Variants in SENP5 observed in about 807,000 individuals in gnomAD.
SENP5 encodes sentrin-specific protease 5.
A neutral mutation model predicts 74.2 loss-of-function variants in SENP5; 21 were observed. The observed-to-expected ratio is 0.28, with a 90% CI of 0.20 to 0.41. The LOEUF is 0.41. Among genes scored for constraint, SENP5 ranks in the 10% least tolerant of loss-of-function variants. The pLI is 1.00. For missense variants in SENP5, 717 were observed against 889.1 expected (o/e 0.81, Z 2.46); for synonymous variants, 311 against 312.7 (o/e 0.99, Z 0.06).
At chr3:196,892,627 A>G (rs191134464) in intron 2 of SENP5, among the ~76,000 whole-genome samples, 69 of 152,294 alleles carry the variant, frequency 4.5e-4, no homozygotes, top group African/African-American at 1.5e-3. Context: ...ATTATTAACT[A>G]TAGTCACCAG....
intron 1 of SENP5, among the ~76,000 whole-genome samples, chr3:196,880,638 CTTTTTTTT>C (rs56188124): frequency 2.0e-5 from 2 of 101,964 alleles, no homozygotes; most frequent in Admixed American, 1.2e-4. Flanking sequence ...GCCAGTTATT[CTTTTTTTT>C]TTTTTTTTTT....
rs61761865 is a variant in SENP5, at chr3:196,900,388, G to A, written c.1782G>A (p.Leu594=). 6.2e-7 allele frequency: 1 copy of A among 1,611,278 alleles called. No homozygotes were observed. Among genetic ancestry groups the A allele is most frequent in the Non-Finnish European group, 8.5e-7 (1 of 1,178,792 alleles). ...NDQVINMYGE[L]IMDAVPDKVH... ...AGGTCATTAATATGTATGGTGAGCT[G>A]ATAATGGATGCAGTCCCAGACAAAG... Residue 594 remains leucine (L), a synonymous_variant, in exon 5 of 10, where the codon CTG becomes CTA. Transcript: ENST00000323460.
chr3:196,906,960 T>C (rs1458400132), intron 6 of SENP5, among the ~76,000 whole-genome samples: 3 of 152,140 alleles, frequency 2.0e-5, no homozygotes, highest in Non-Finnish European at 4.4e-5. Flanking sequence ...ATGAGTGTGA[T>C]GTAGGAAGTA....
intron 2 of SENP5, among the ~76,000 whole-genome samples, chr3:196,888,409 C>T (rs1308925713): frequency 1.3e-5 from 2 of 151,654 alleles, no homozygotes; most frequent in African/African-American, 2.4e-5. Context: ...ATGGTGAAAC[C>T]CCATCTCTAC....
chr3:196,916,956 A>G (rs1244685226), intron 6 of SENP5, among the ~76,000 whole-genome samples: 1 of 152,004 alleles, frequency 6.6e-6, no homozygotes, highest in Non-Finnish European at 1.5e-5. Flanking sequence ...CAACATGGCA[A>G]ACCCCCATCT....
At chr3:196,892,942 C>CA (rs2108826762) in intron 2 of SENP5, among the ~76,000 whole-genome samples, 1 of 152,292 alleles carries the variant, frequency 6.6e-6, no homozygotes, top group Non-Finnish European at 1.5e-5. Flanking sequence ...TTCATCCACT[C>CA]ATGGGCATTG....
At chr3:196,925,503 G>A (rs1715780235) in intron 7 of SENP5, among the ~76,000 whole-genome samples, 1 of 152,182 alleles carries the variant, frequency 6.6e-6, no homozygotes, top group African/African-American at 2.4e-5. Flanking sequence ...AGCCATATCA[G>A]TGCCTTTAAG....
At chr3:196,905,952 T>G (rs756134841) in intron 6 of SENP5, among the ~76,000 whole-genome samples, 1 of 152,124 alleles carries the variant, frequency 6.6e-6, no homozygotes, top group Non-Finnish European at 1.5e-5. Flanking sequence ...TGGGCCTGGG[T>G]CATGTCCCCG....
At position 196,930,000 on chromosome 3, in the gene SENP5, A is replaced by C. The variant is rs532987213; in HGVS notation, c.2157+317A>C. On this transcript the variant is annotated intron_variant, in intron 9 of 9. Coordinates refer to ENST00000323460, the MANE Select transcript of SENP5 (RefSeq NM_152699.5). ...TTGGCATTTGCATAAAAAAAAAAAA[A>C]AAAAAACATTGGCAAGCAATCTGCA... 1.1e-3 allele frequency among the ~76,000 whole-genome samples: 163 copies of C among 152,192 alleles called. No individual in the cohort carries two copies. The South Asian group carries it at 0.011, about 10-fold the overall frequency.
intron 1 of SENP5, among the ~76,000 whole-genome samples, chr3:196,871,731 C>T (rs753205335): frequency 6.6e-6 from 1 of 151,470 alleles, no homozygotes; most frequent in South Asian, 2.1e-4. Flanking sequence ...GGCACACACT[C>T]GTACTCCTAG....
intron 1 of SENP5, among the ~76,000 whole-genome samples, chr3:196,873,025 A>G (rs1454327333): frequency 6.8e-6 from 1 of 146,074 alleles, no homozygotes; most frequent in Admixed American, 6.8e-5. Context: ...GTTTTGAGGT[A>G]TTGTTCTTTA....
At chr3:196,894,850 T>C (rs1377401485) in intron 2 of SENP5, among the ~76,000 whole-genome samples, 1 of 152,248 alleles carries the variant, frequency 6.6e-6, no homozygotes, top group African/African-American at 2.4e-5. Context: ...TAAAAAAGTA[T>C]GGTTTTTACT....
At position 196,886,006 on chromosome 3, in the gene SENP5, T is replaced by C; in HGVS notation, c.825T>C (p.His275=). Residue 275 remains histidine, a synonymous_variant, in exon 2 of 10, where the codon CAT becomes CAC. Coordinates refer to ENST00000323460, the MANE Select transcript of SENP5 (RefSeq NM_152699.5). The stretch of plus-strand genomic sequence containing the variant: ...GGGTACAGAAAGTCACTGGGGACCA[T>C]CAAGAGACCCGTAGGGAGAACGGTG... ...RSWVQKVTGD[H]QETRRENGEG... is the part of the protein sequence containing the mutation. The C allele has an allele frequency of 6.2e-7, 1 of 1,614,140 alleles. No homozygotes were observed. Among genetic ancestry groups the C allele is most frequent in the Non-Finnish European group, 8.5e-7 (1 of 1,180,030 alleles).
At chr3:196,882,511 T>G (rs1399623819) in intron 1 of SENP5, among the ~76,000 whole-genome samples, 1 of 152,158 alleles carries the variant, frequency 6.6e-6, no homozygotes, top group Non-Finnish European at 1.5e-5. Context: ...TATTTTTTAT[T>G]TTATTTTTTT....
chr3:196,889,686 A>C (rs1025016116), intron 2 of SENP5, among the ~76,000 whole-genome samples: 12 of 152,202 alleles, frequency 7.9e-5, no homozygotes, highest in African/African-American at 2.9e-4. Flanking sequence ...AATTATGAAA[A>C]AATATTAAAA....
chr3:196,922,386 T>C (rs1196082268), intron 6 of SENP5, among the ~76,000 whole-genome samples: 1 of 152,192 alleles, frequency 6.6e-6, no homozygotes, highest in Non-Finnish European at 1.5e-5. Context: ...TTATATCATG[T>C]CTGTTGAACG....
intron 2 of SENP5, among the ~76,000 whole-genome samples, chr3:196,894,893 G>A (rs1188267950): frequency 6.6e-6 from 1 of 152,030 alleles, no homozygotes; most frequent in African/African-American, 2.4e-5. Context: ...ATTAATTTAG[G>A]GACAGTTGCT....
intron 2 of SENP5, among the ~76,000 whole-genome samples, chr3:196,888,723 CAGAT>C (rs1044438661): frequency 1.3e-5 from 2 of 152,054 alleles, no homozygotes; most frequent in Non-Finnish European, 2.9e-5. Context: ...GACATCTGGA[CAGAT>C]ATTATTACCA....
intron 2 of SENP5, among the ~76,000 whole-genome samples, chr3:196,899,152 T>C (rs1344163159): frequency 6.6e-6 from 1 of 151,928 alleles, no homozygotes; most frequent in Non-Finnish European, 1.5e-5. Flanking sequence ...TTTGGTGTCA[T>C]GAGTATAATA....
Sources: gnomAD v4.1 joint callset for allele counts (sites outside exome capture counted in the v4.1 genomes callset) on GRCh38, gnomAD v4.1.1 for gene constraint, MANE v1.5 for transcripts, NCBI Gene and HGNC (gene_info 2026-07-23, HGNC 2026-07-21) for gene names.